MYO1B: variants seen among roughly 807,000 people sequenced by gnomAD.
MYO1B encodes myosin IB, also known as unconventional myosin-Ib.
MYO1B carries 72 observed loss-of-function variants against 159.7 expected under a neutral mutation model. That is an observed-to-expected ratio of 0.45 (90% CI 0.37 to 0.55). The LOEUF is 0.55. Ranked by LOEUF, MYO1B falls within the 20% of genes least tolerant of loss-of-function variation. MYO1B has a pLI of 0.00. For missense variants in MYO1B, 1,062 were observed against 1,364.8 expected, an observed-to-expected ratio of 0.78 and a Z score of 3.50; for synonymous variants, 468 against 473.8, an observed-to-expected ratio of 0.99 and a Z score of 0.16.
rs760274747 is a variant in MYO1B, at chr2:191,424,114, T to G, written c.*154T>G. ...ATATTTGACTAATCAATTTTTATTA[T>G]TGGAATAGTTTTAACCTTTCAAATA... is the stretch of plus-strand genomic sequence containing the variant. On this transcript the variant is annotated 3_prime_UTR_variant, in exon 31 of 31. Coordinates refer to ENST00000392318, the MANE Select transcript of MYO1B (RefSeq NM_001130158.3). 9 of 872,690 alleles carry G rather than the reference T, an allele frequency of 1.0e-5. No individual in the cohort carries two copies. In the Admixed American group the frequency reaches 2.1e-4, roughly 21 times the overall value. 54.1% of individuals were successfully genotyped at this position (872,690 alleles called of 1,614,324 possible).
At chr2:191,312,708 A>G (rs1404753136) in intron 3 of MYO1B, among the ~76,000 whole-genome samples, 3 of 152,216 alleles carry the variant, frequency 2.0e-5, no homozygotes, top group Non-Finnish European at 4.4e-5. Context: ...TGTGTGTTAT[A>G]AAACATACAC....
Position 191,400,427 on chromosome 2 carries a change from G to A in MYO1B, c.2341G>A (p.Glu781Lys), listed in dbSNP as rs762727685. The A allele has an allele frequency of 6.2e-7, 1 of 1,614,134 alleles. No homozygotes were observed. Among genetic ancestry groups the A allele is most frequent in the Non-Finnish European group, 8.5e-7 (1 of 1,180,032 alleles). ...RELKHQKRCK[E>K]AVTTIAAYWH... ...ACTGAAGCATCAAAAGCGCTGTAAG[G>A]AAGCAGTCACGACCATTGCTGCATA... Residue 781 changes from glutamate to lysine, a missense_variant, in exon 22 of 31, where the codon GAA (glutamate) becomes AAA (lysine). Transcript: ENST00000392318.
chr2:191,324,347 T>C (rs1185606543), intron 3 of MYO1B, among the ~76,000 whole-genome samples: 1 of 152,174 alleles, frequency 6.6e-6, no homozygotes, highest in African/African-American at 2.4e-5. Flanking sequence ...TTGGCTTCTT[T>C]TGGATTATTT....
chr2:191,262,397 T>C lies in MYO1B; in HGVS notation c.-9-14490T>C, dbSNP rs534024430. Among the ~76,000 whole-genome samples, 286 of 152,334 alleles carry C rather than the reference T, an allele frequency of 1.9e-3. 1 individual carries two copies. The highest frequency in any genetic ancestry group is 6.1e-3 in the African/African-American group (254 of 41,566). On this transcript the variant is annotated intron_variant, in intron 1 of 30. Coordinates refer to ENST00000392318, the MANE Select transcript of MYO1B (RefSeq NM_001130158.3). ...AGTCGCTTTGCCAACAAATTCAGACTGCCCATCCTCTGCTTAAGCCTCCTT... is the reference window on the plus strand; with the variant it reads ...AGTCGCTTTGCCAACAAATTCAGACCGCCCATCCTCTGCTTAAGCCTCCTT...
chr2:191,340,964 C>G (rs1395522131), intron 4 of MYO1B, among the ~76,000 whole-genome samples: 1 of 152,124 alleles, frequency 6.6e-6, no homozygotes, highest in African/African-American at 2.4e-5. Context: ...ACCTCATGAT[C>G]CGCCCACCTC....
chr2:191,276,176 T>C (rs1208346362), intron 1 of MYO1B, among the ~76,000 whole-genome samples: 1 of 152,258 alleles, frequency 6.6e-6, no homozygotes, highest in Non-Finnish European at 1.5e-5. Flanking sequence ...GGTTATGTTA[T>C]ACTGGTAGCC....
At chr2:191,324,427 A>T (rs897713138) in intron 3 of MYO1B, among the ~76,000 whole-genome samples, 8 of 152,074 alleles carry the variant, frequency 5.3e-5, no homozygotes, top group African/African-American at 1.9e-4. Flanking sequence ...GGGTTGTCCT[A>T]GGGATTATAA....
chr2:191,390,178 AAGAAT>A, intron 17 of MYO1B, 109 bp from the exon 18 acceptor site: 1 of 981,154 alleles, frequency 1.0e-6, no homozygotes, highest in East Asian at 2.6e-5. Flanking sequence ...TAGGTTTCTT[AAGAAT>A]AACATAATTG....
chr2:191,299,251 C>T (rs2067610), intron 3 of MYO1B, among the ~76,000 whole-genome samples: 54,405 of 151,924 alleles, frequency 0.36, 10,197 homozygotes, highest in Middle Eastern at 0.52. Flanking sequence ...AGAACCACCA[C>T]GAGCACTAAA....
intron 11 of MYO1B, among the ~76,000 whole-genome samples, chr2:191,367,230 A>C (rs1178292576): frequency 2.0e-5 from 3 of 152,092 alleles, no homozygotes; most frequent in Non-Finnish European, 2.9e-5. Flanking sequence ...TTATAGGATA[A>C]TGTTGTGGAG....
chr2:191,311,541 T>C lies in MYO1B; in HGVS notation c.251+15315T>C, dbSNP rs1690003325. On this transcript the variant is annotated intron_variant, in intron 3 of 30. Transcript: ENST00000392318. ...TTCGAAAGACATATTTTCACACTCA[T>C]ACACCCTACCTCACGTTTGGCCATG... Among the ~76,000 whole-genome samples, 4 of 152,216 alleles carry C rather than the reference T, an allele frequency of 2.6e-5. No individual in the cohort carries two copies. In the South Asian group the frequency reaches 8.3e-4, roughly 32 times the overall value.
intron 2 of MYO1B, among the ~76,000 whole-genome samples, chr2:191,285,400 G>A (rs1200306911): frequency 2.0e-5 from 3 of 152,160 alleles, no homozygotes; most frequent in African/African-American, 7.2e-5. Context: ...GGCACGTCTT[G>A]GACTAGGCAG....
At chr2:191,323,022 G>A (rs1248730378) in intron 3 of MYO1B, among the ~76,000 whole-genome samples, 1 of 152,194 alleles carries the variant, frequency 6.6e-6, no homozygotes, top group Non-Finnish European at 1.5e-5. Flanking sequence ...AAAGGGGTGG[G>A]CAAGTCCTGG....
rs1281588165 is a variant in MYO1B at position 191,424,166 on chromosome 2, A to C, written c.*206A>C. 2 of 554,350 alleles carry C rather than the reference A, an allele frequency of 3.6e-6. No homozygotes were observed. Among genetic ancestry groups the C allele is most frequent in the Non-Finnish European group, 3.1e-6 (1 of 323,310 alleles). 34.3% of individuals were successfully genotyped at this position (554,350 alleles called of 1,614,324 possible). ...ATGTTCTGTCCTGGAGCAGGATTGTAGAAACTAACAGTGTCTATTTTCATG... is the reference window on the plus strand; with the variant it reads ...ATGTTCTGTCCTGGAGCAGGATTGTCGAAACTAACAGTGTCTATTTTCATG... On this transcript the variant is annotated 3_prime_UTR_variant, in exon 31 of 31. Transcript: ENST00000392318.
chr2:191,246,457 T>C (rs1685800485), intron 1 of MYO1B: 1 of 152,316 alleles, frequency 6.6e-6, no homozygotes, highest in African/African-American at 2.4e-5. Context: ...GGCCCAGCGT[T>C]TATTGCTGCA....
intron 2 of MYO1B, among the ~76,000 whole-genome samples, chr2:191,283,412 T>G (rs1414089188): frequency 6.6e-6 from 1 of 152,226 alleles, no homozygotes; most frequent in Non-Finnish European, 1.5e-5. Flanking sequence ...CGTCTAGTCC[T>G]GGCCCTGCCA....
intron 4 of MYO1B, among the ~76,000 whole-genome samples, chr2:191,337,395 C>G (rs1316361250): frequency 6.6e-6 from 1 of 152,144 alleles, no homozygotes; most frequent in Non-Finnish European, 1.5e-5. Context: ...CCTTACAGGA[C>G]TTTAAAATCC....
intron 2 of MYO1B, among the ~76,000 whole-genome samples, chr2:191,287,828 ACGTGAAGTTCAAAGGCTCT>A (rs1229712073): frequency 6.6e-6 from 1 of 150,584 alleles, no homozygotes; most frequent in East Asian, 1.9e-4. Context: ...CAGACTGCTT[ACGTGAAGTTCAAAGGCTCT>A]CTACAGTTTG....
At chr2:191,330,099 G>A in intron 4 of MYO1B, 70 bp downstream of exon 4, 1 of 1,343,466 alleles carries the variant, frequency 7.4e-7, no homozygotes. Context: ...AAGAGGACCA[G>A]TAGGGCCTCC....
Sources: gnomAD v4.1 joint callset for allele counts (sites outside exome capture counted in the v4.1 genomes callset) on GRCh38, gnomAD v4.1.1 for gene constraint, MANE v1.5 for transcripts, NCBI Gene and HGNC (gene_info 2026-07-23, HGNC 2026-07-21) for gene names.